The following ADAMTSL1 variants were observed in gnomAD, a reference collection of about 807,000 sequenced individuals.
The protein encoded by ADAMTSL1 is ADAMTS like 1.
In ADAMTSL1, 126 loss-of-function variants were observed where a neutral mutation model predicts 201.8. The observed-to-expected ratio is 0.62, with a 90% CI of 0.54 to 0.72. ADAMTSL1 has a LOEUF of 0.72. ADAMTSL1 is among the 30% of genes least tolerant of loss of function. ADAMTSL1 has a pLI of 0.00. For synonymous variants in ADAMTSL1, 1,121 were observed against 903.4 expected (o/e 1.24, Z -4.32); for missense variants, 2,679 against 2,277.8 (o/e 1.18, Z -3.59).
chr9:18,494,904 C>T (rs959325245), intron 1 of ADAMTSL1, among the ~76,000 whole-genome samples: 11 of 152,254 alleles, frequency 7.2e-5, no homozygotes, highest in Admixed American at 6.5e-4. Flanking sequence ...AAGGAGTGAA[C>T]AGTTGAGCTT....
At chr9:17,950,963 GT>G (rs1299851544) in intron 1 of ADAMTSL1, among the ~76,000 whole-genome samples, 2 of 152,128 alleles carry the variant, frequency 1.3e-5, no homozygotes, top group African/African-American at 2.4e-5. Context: ...CAGGGTTATT[GT>G]TTCCTAGAGA....
chr9:18,184,213 G>A (rs1828629331), intron 2 of ADAMTSL1, among the ~76,000 whole-genome samples: 1 of 152,140 alleles, frequency 6.6e-6, no homozygotes, highest in Admixed American at 6.6e-5. Flanking sequence ...GATAGCAATT[G>A]TGGTGTAAAA....
chr9:18,573,901 G>A (rs1235617331), intron 3 of ADAMTSL1, 129 bp from the exon 4 acceptor site: 3 of 688,216 alleles, frequency 4.4e-6, no homozygotes, highest in East Asian at 5.0e-5. Flanking sequence ...GATATTATAA[G>A]TTCCATCTAT....
chr9:18,498,709 G>A (rs1822668785), intron 1 of ADAMTSL1, among the ~76,000 whole-genome samples: 1 of 152,170 alleles, frequency 6.6e-6, no homozygotes, highest in Non-Finnish European at 1.5e-5. Flanking sequence ...ACCAGTATAT[G>A]ACTAGGAAAG....
At chr9:18,131,621 A>G (rs1247524921) in intron 1 of ADAMTSL1, among the ~76,000 whole-genome samples, 3 of 152,166 alleles carry the variant, frequency 2.0e-5, no homozygotes, top group Non-Finnish European at 4.4e-5. Flanking sequence ...AGGACCTCTC[A>G]TCTTTTCTTA....
chr9:18,176,022 A>AT (rs200383010), intron 2 of ADAMTSL1, among the ~76,000 whole-genome samples: 40,087 of 145,134 alleles, frequency 0.28, 6,050 homozygotes, highest in Admixed American at 0.36. Flanking sequence ...AAAAAAAAAA[A>AT]AAAAAAAAAA....
At chr9:18,511,522 A>G (rs1818022868) in intron 2 of ADAMTSL1, among the ~76,000 whole-genome samples, 2 of 152,292 alleles carry the variant, frequency 1.3e-5, no homozygotes, top group South Asian at 2.1e-4. Context: ...TGCCTAAAAC[A>G]AGTAAGATTA....
intron 7 of ADAMTSL1, among the ~76,000 whole-genome samples, chr9:18,653,366 T>C (rs1190771762): frequency 6.6e-6 from 1 of 152,232 alleles, no homozygotes; most frequent in Non-Finnish European, 1.5e-5. Context: ...ATCTCCTTCC[T>C]GACAAATCTT....
chr9:18,041,459 G>A (rs1348971125), intron 1 of ADAMTSL1, among the ~76,000 whole-genome samples: 1 of 152,112 alleles, frequency 6.6e-6, no homozygotes, highest in African/African-American at 2.4e-5. Context: ...TAAAAGTTTG[G>A]AAATGTTGAG....
At chr9:18,312,868 A>G (rs1312108111) in intron 2 of ADAMTSL1, among the ~76,000 whole-genome samples, 8 of 152,016 alleles carry the variant, frequency 5.3e-5, no homozygotes, top group Non-Finnish European at 1.5e-5. Flanking sequence ...ATTTATATGA[A>G]TGATGTGCTG....
intron 1 of ADAMTSL1, among the ~76,000 whole-genome samples, chr9:17,971,801 G>T: frequency 1.3e-5 from 2 of 151,864 alleles, no homozygotes; most frequent in Non-Finnish European, 2.9e-5. Context: ...TTCATCAGGG[G>T]AGATTATCCT....
At chr9:18,344,243 C>G (rs114386178) in intron 2 of ADAMTSL1, among the ~76,000 whole-genome samples, 4,197 of 152,100 alleles carry the variant, frequency 0.028, 196 homozygotes, top group African/African-American at 0.094. Context: ...CTATATCCTT[C>G]TCATAAAAAA....
At position 17,964,146 on chromosome 9, in the gene ADAMTSL1, A is replaced by G. The variant is rs988463490; in HGVS notation, c.87+57224A>G. Among the ~76,000 whole-genome samples, 5 of 152,172 alleles carry G rather than the reference A, an allele frequency of 3.3e-5. No individual in the cohort carries two copies. The East Asian group carries it at 7.7e-4, about 23-fold the overall frequency. ...CAAACTTAGTTATTAGTAACACACT[A>G]TACATAGAAAAATAAATCCTTCTGG... On this transcript the variant is annotated intron_variant, in intron 1 of 29. Coordinates refer to the ADAMTSL1 transcript ENST00000680146.
chr9:18,076,638 G>T (rs1283318560), intron 1 of ADAMTSL1, among the ~76,000 whole-genome samples: 1 of 152,174 alleles, frequency 6.6e-6, no homozygotes, highest in African/African-American at 2.4e-5. Context: ...AATATTTGGA[G>T]ACCTCTTAGG....
In ADAMTSL1 at chr9:18,249,475, G is replaced by A. The variant is rs57198766; in HGVS notation, c.207+85494G>A. On this transcript the variant is annotated intron_variant, in intron 2 of 29. Coordinates refer to the ADAMTSL1 transcript ENST00000680146. ...TAGAGACATCAATATAGAGAGGGACGTTGCAAACACCAGTATACTCATCCC... is the reference window on the plus strand; with the variant it reads ...TAGAGACATCAATATAGAGAGGGACATTGCAAACACCAGTATACTCATCCC... Among the ~76,000 whole-genome samples the A allele has an allele frequency of 9.7e-3, 1,472 of 152,132 alleles. 21 individuals are homozygous for A. The highest frequency in any genetic ancestry group is 0.033 in the African/African-American group (1,376 of 41,484).
At chr9:18,774,654 A>C (rs562755231) in intron 17 of ADAMTSL1, among the ~76,000 whole-genome samples, 16 of 152,320 alleles carry the variant, frequency 1.1e-4, no homozygotes, top group Non-Finnish European at 2.2e-4. Context: ...TAATTTATAT[A>C]TTATAAAATT....
chr9:18,022,366 T>C (rs1820515166), intron 1 of ADAMTSL1, among the ~76,000 whole-genome samples: 1 of 152,130 alleles, frequency 6.6e-6, no homozygotes, highest in Non-Finnish European at 1.5e-5. Context: ...TTTCCCAAGA[T>C]TATTGATGCT....
At chr9:17,929,421 C>G (rs1433433890) in intron 1 of ADAMTSL1, among the ~76,000 whole-genome samples, 3 of 152,020 alleles carry the variant, frequency 2.0e-5, no homozygotes, top group East Asian at 3.9e-4. Context: ...CATTATTGCC[C>G]CCATTGAGAA....
At chr9:18,186,851 ACAC>A (rs1828757598) in intron 2 of ADAMTSL1, among the ~76,000 whole-genome samples, 1 of 151,930 alleles carries the variant, frequency 6.6e-6, no homozygotes, top group Non-Finnish European at 1.5e-5. Context: ...ACACACACAC[ACAC>A]ACACACATGC....
Sources: allele counts gnomAD v4.1 joint callset (sites outside exome capture counted in the v4.1 genomes callset), GRCh38; gene constraint gnomAD v4.1.1; transcripts MANE v1.5; gene names NCBI Gene and HGNC (gene_info 2026-07-23, HGNC 2026-07-21).